MAMSTR: variants seen among roughly 807,000 people sequenced by gnomAD.
The protein encoded by MAMSTR is MEF2-activating motif and SAP domain-containing transcriptional regulator.
In MAMSTR, 41 loss-of-function variants were observed where a neutral mutation model predicts 42.7. That is an observed-to-expected ratio of 0.96 (90% confidence interval 0.75 to 1.25). The LOEUF is 1.25. Ranked by LOEUF, MAMSTR falls within the 50% of genes most tolerant of loss-of-function variation. The pLI, the probability that MAMSTR is intolerant of heterozygous loss-of-function variation, is 0.00. For missense variants in MAMSTR, 567 were observed against 557.6 expected (o/e 1.02, Z -0.17); for synonymous variants, 265 against 244.1 (o/e 1.09, Z -0.80).
downstream of MAMSTR, among the ~76,000 whole-genome samples, chr19:48,707,899 A>AG (rs879315510): frequency 0.15 from 20,850 of 137,008 alleles, 2,653 homozygotes; most frequent in Middle Eastern, 0.23. Context: ...AAAGAAAGAA[A>AG]GAAAGGAAGA....
At chr19:48,714,643 C>G in intron 6 of MAMSTR, 83 bp from the exon 7 acceptor site, 1 of 1,387,562 alleles carries the variant, frequency 7.2e-7, no homozygotes, top group South Asian at 1.3e-5. Flanking sequence ...TATTTGGAAA[C>G]CGAGAAAGGA....
chr19:48,707,883 GAAA>G (rs1568464062), downstream of MAMSTR, among the ~76,000 whole-genome samples: 22 of 106,108 alleles, frequency 2.1e-4, no homozygotes, highest in African/African-American at 8.4e-4. Context: ...AAGAAAGAAA[GAAA>G]GAAAAGAAAG....
chr19:48,714,314 G>A, intron 7 of MAMSTR, 52 bp downstream of exon 7: 1 of 1,319,138 alleles, frequency 7.6e-7, no homozygotes, highest in South Asian at 1.9e-5. Flanking sequence ...CCCCGCCCCG[G>A]CCCACTTTGC....
rs997053705 is a variant in MAMSTR at position 48,719,163 on chromosome 19, G to T, written c.-21-111C>A. The T allele has an allele frequency of 1.2e-5, 9 of 741,248 alleles. No homozygotes were observed. The African/African-American group carries it at 1.6e-4, about 13-fold the overall frequency. The allele number at this position is 741,248 out of a possible 1,614,324, so 45.9% of individuals were successfully genotyped here. A position where few individuals can be genotyped will look rare whatever the true frequency, so the allele number is the denominator to read the frequency against. ...GCAGGGAAAGGGCCCGAAGGAGGTG[G>T]GAATAGGAGCAGCCTTGGGCCATAA... On this transcript the variant is annotated intron_variant, in intron 1 of 9. Coordinates refer to ENST00000318083, the MANE Select transcript of MAMSTR (RefSeq NM_001130915.2). The surrounding 1 kb of genome is among the most constrained non-coding windows in gnomAD (Gnocchi z 4.4).
rs1223290489 is a variant in MAMSTR, at chr19:48,712,734, A to C, written c.*533T>G. ...GGCGTGAGCCACCGCACCCAGCCAG[A>C]ACACTTCTTTAATAAATGACTGGCA... On this transcript the variant is annotated 3_prime_UTR_variant, in exon 10 of 10. Coordinates refer to ENST00000318083, the MANE Select transcript of MAMSTR (RefSeq NM_001130915.2). The C allele has an allele frequency of 6.6e-6, 1 of 152,566 alleles. No homozygotes were observed. The highest frequency in any genetic ancestry group is 2.4e-5 in the African/African-American group (1 of 41,450). The allele number at this position is 152,566 out of a possible 1,614,324, so 9.5% of individuals were successfully genotyped here. A position where few individuals can be genotyped will look rare whatever the true frequency, so the allele number is the denominator to read the frequency against.
downstream of MAMSTR, among the ~76,000 whole-genome samples, chr19:48,709,305 C>T (rs2032693396): frequency 6.6e-6 from 1 of 152,134 alleles, no homozygotes; most frequent in South Asian, 2.1e-4. Flanking sequence ...TGCACCACCA[C>T]ACCCGGCTAA....
rs2032971255 is a variant in MAMSTR at position 48,715,465 on chromosome 19, T to C, written c.241-19A>G. 6.8e-7 allele frequency: 1 copy of C among 1,476,622 alleles called. No individual in the cohort carries two copies. The highest frequency in any genetic ancestry group is 9.0e-7 in the Non-Finnish European group (1 of 1,116,572). The allele number at this position is 1,476,622 out of a possible 1,614,324, so 91.5% of individuals were successfully genotyped here. A position where few individuals can be genotyped will look rare whatever the true frequency, so the allele number is the denominator to read the frequency against. ...GAGACTCCTGAAAGAGCAGGTGTGA[T>C]GTTTTAGGCTTCAGCGCGGCTCCCA... On this transcript the variant is annotated intron_variant, in intron 4 of 9. Transcript: ENST00000318083.
chr19:48,707,037 A>G, the MAMSTR span, among the ~76,000 whole-genome samples: 1 of 152,106 alleles, frequency 6.6e-6, no homozygotes, highest in Non-Finnish European at 1.5e-5. Flanking sequence ...TTGGGGCTTC[A>G]GTGAGCCACA....
chr19:48,715,050 G>T, intron 5 of MAMSTR, 142 bp from the exon 6 acceptor site: 1 of 688,734 alleles, frequency 1.5e-6, no homozygotes. Flanking sequence ...CGCAAACATG[G>T]GGCTAGATTT....
chr19:48,707,830 G>GAC, downstream of MAMSTR, among the ~76,000 whole-genome samples: 1 of 81,242 alleles, frequency 1.2e-5, no homozygotes, highest in Non-Finnish European at 2.4e-5. Context: ...GAAAGACAAA[G>GAC]AAAGAAAGGA....
intron 2 of MAMSTR, 35 bp from the exon 3 acceptor site, chr19:48,716,778 CGGG>C: frequency 7.8e-7 from 1 of 1,290,236 alleles, no homozygotes; most frequent in East Asian, 3.1e-5. Context: ...AGGAGGAAGG[CGGG>C]AAGGGAGTGT....
rs2033178970 is a variant in MAMSTR, at chr19:48,719,674, C to G, written c.-22+5G>C. On this transcript the variant is annotated splice_donor_5th_base_variant and intron_variant, in intron 1 of 9. Transcript: ENST00000318083. The surrounding 1 kb of genome is among the most constrained non-coding windows in gnomAD (Gnocchi z 4.4). ...CCCCCCCCGTCCACCCCAGGGGCTT[C>G]TCACCAGGTGGGCTCGGCGAAGCTG... 1 of 152,844 alleles carries G rather than the reference C, an allele frequency of 6.5e-6. No homozygotes were observed. The highest frequency in any genetic ancestry group is 2.4e-5 in the African/African-American group (1 of 41,458). 9.5% of individuals were successfully genotyped at this position (152,844 alleles called of 1,614,324 possible). A position where few individuals can be genotyped will look rare whatever the true frequency, so the allele number is the denominator to read the frequency against.
intron 7 of MAMSTR, 105 bp downstream of exon 7, chr19:48,714,261 G>T: frequency 1.9e-6 from 2 of 1,078,394 alleles, no homozygotes; most frequent in Non-Finnish European, 2.5e-6. Flanking sequence ...GCTTCCTACC[G>T]CTGGTCCTCG....
downstream of MAMSTR, among the ~76,000 whole-genome samples, chr19:48,708,466 G>A (rs1464836888): frequency 6.6e-6 from 1 of 152,188 alleles, no homozygotes; most frequent in Non-Finnish European, 1.5e-5. Flanking sequence ...GGAAGGTGCT[G>A]CTTGGGGTTC....
chr19:48,707,872 A>AAAAGAAAGAAAGAAAGGAAGG (rs2032671798), downstream of MAMSTR, among the ~76,000 whole-genome samples: 5 of 112,918 alleles, frequency 4.4e-5, no homozygotes, highest in African/African-American at 1.5e-4. Context: ...AGAAAGAAAG[A>AAAAGAAAGAAAGAAAGGAAGG]AAGAAAGAAA....
chr19:48,710,808 C>T (rs112572520), downstream of MAMSTR, among the ~76,000 whole-genome samples: 5,966 of 151,852 alleles, frequency 0.039, 398 homozygotes, highest in African/African-American at 0.13. Flanking sequence ...AGGCTAGTCT[C>T]GAACTCCTGA....
chr19:48,718,913 A>T, intron 2 of MAMSTR, 61 bp downstream of exon 2: 1 of 1,086,586 alleles, frequency 9.2e-7, no homozygotes, highest in Non-Finnish European at 1.4e-6. Flanking sequence ...CTCCCTTCCC[A>T]CCCCAGAGTA....
At position 48,713,782 on chromosome 19, in the gene MAMSTR, G is replaced by A. The variant is rs756346541; in HGVS notation, c.910-12C>T. 17 of 1,614,220 alleles carry A rather than the reference G, an allele frequency of 1.1e-5. No homozygotes were observed. Among genetic ancestry groups the A allele is most frequent in the Non-Finnish European group, 1.4e-5 (17 of 1,180,038 alleles). On this transcript the variant is annotated splice_polypyrimidine_tract_variant and intron_variant, in intron 8 of 9. Transcript: ENST00000318083. ...CGGTTAGGAAGCAACTGCGGATGGA[G>A]AAATTTGGCGTGAACTCGGGACTGC...
At chr19:48,716,907 G>T in intron 2 of MAMSTR, 164 bp from the exon 3 acceptor site, 1 of 1,212,164 alleles carries the variant, frequency 8.2e-7, no homozygotes, top group Admixed American at 4.4e-5. Context: ...TCCCTTCCTC[G>T]GGCCTCCCGC....
Sources: allele counts gnomAD v4.1 joint callset (sites outside exome capture counted in the v4.1 genomes callset), GRCh38; gene constraint gnomAD v4.1.1; non-coding constraint Gnocchi (gnomAD v3.1); transcripts MANE v1.5; gene names NCBI Gene and HGNC (gene_info 2026-07-23, HGNC 2026-07-21).